HSPA12B: variants seen among roughly 807,000 people sequenced by gnomAD.
The protein encoded by HSPA12B is heat shock 70 kDa protein 12B.
A neutral mutation model predicts 69.3 loss-of-function variants in HSPA12B; 54 were observed. The observed-to-expected ratio is 0.78, with a 90% CI of 0.63 to 0.98. HSPA12B has a LOEUF of 0.98. Ranked by LOEUF, HSPA12B falls within the 50% of genes least tolerant of loss-of-function variation. HSPA12B has a pLI of 0.00. For missense variants in HSPA12B, 929 were observed against 999.8 expected, an observed-to-expected ratio of 0.93 and a Z score of 0.96; for synonymous variants, 441 against 436.5, an observed-to-expected ratio of 1.01 and a Z score of -0.13.
chr20:3,741,910 G>A (rs2146566199), intron 3 of HSPA12B, among the ~76,000 whole-genome samples: 1 of 151,416 alleles, frequency 6.6e-6, no homozygotes, highest in Non-Finnish European at 1.5e-5. Context: ...TCCATGTGCT[G>A]TAAAACTGCC....
chr20:3,745,030 A>G lies in HSPA12B; in HGVS notation c.395A>G (p.Glu132Gly), dbSNP rs1232188023. Reference sequence around the variant, plus strand: ...GATTACTACCATGACCTGGACCCCGAAGAGGCGCGGGACTGGCTCTACTTC... The same window carrying G: ...GATTACTACCATGACCTGGACCCCGGAGAGGCGCGGGACTGGCTCTACTTC... Reference protein sequence around the residue: ...ARDYYHDLDPEEARDWLYFEK... With the variant: ...ARDYYHDLDPGEARDWLYFEK... The change falls in exon 5 of 13, where the codon GAA (glutamate) becomes GGA (glycine). Residue 132 changes from glutamate to glycine, a missense_variant. Around this residue, in one of 3 missense-constraint regions of HSPA12B, gnomAD observed 477 missense variants for 535.2 expected, o/e 0.89. Coordinates refer to ENST00000254963, the MANE Select transcript of HSPA12B (RefSeq NM_052970.5). This position sits in a 1 kb window ranked among gnomAD's most constrained non-coding sequence, Gnocchi z 5.6. 1.9e-6 allele frequency: 3 copies of G among 1,614,028 alleles called. No individual in the cohort carries two copies. The South Asian group carries it at 3.3e-5, about 18-fold the overall frequency.
rs995427677 is a variant in HSPA12B, at chr20:3,749,859, G to A, written c.1042+5G>A. 1.9e-6 allele frequency: 3 copies of A among 1,596,608 alleles called. No homozygotes were observed. In the African/African-American group the frequency reaches 4.0e-5, roughly 21 times the overall value. On this transcript the variant is annotated splice_donor_5th_base_variant and intron_variant, in intron 10 of 12. Transcript: ENST00000254963. The surrounding 1 kb of genome is among the most constrained non-coding windows in gnomAD (Gnocchi z 5.5). ...AGGAGCTCTACAAGGCATCTGGTGA[G>A]TAGCCAGGCGGCGCCCCGGTACCCA...
In HSPA12B at chr20:3,744,582, C is replaced by T. The variant is rs1304992685; in HGVS notation, c.267-320C>T. 1.3e-5 allele frequency among the ~76,000 whole-genome samples: 2 copies of T among 152,224 alleles called. No homozygotes were observed. The highest frequency in any genetic ancestry group is 4.8e-5 in the African/African-American group (2 of 41,444). On this transcript the variant is annotated intron_variant, in intron 4 of 12. Coordinates refer to ENST00000254963, the MANE Select transcript of HSPA12B (RefSeq NM_052970.5). This position sits in a 1 kb window ranked among gnomAD's most constrained non-coding sequence, Gnocchi z 4.9. The stretch of plus-strand genomic sequence containing the variant: ...CTCACCTGGATGGCTGCAATATCCT[C>T]CTCCTTGGTTTCCTTTCTCCATGCT...
rs1417316875 is a variant in HSPA12B at position 3,745,040 on chromosome 20, G to C, written c.405G>C (p.Arg135=). Residue 135 remains arginine (R), a synonymous_variant, in exon 5 of 13, where the codon CGG becomes CGC. Transcript: ENST00000254963. The surrounding 1 kb of genome is among the most constrained non-coding windows in gnomAD (Gnocchi z 5.6). ...YYHDLDPEEA[R]DWLYFEKFKM... ...ATGACCTGGACCCCGAAGAGGCGCG[G>C]GACTGGCTCTACTTCGAGAAGTTCA... The C allele has an allele frequency of 6.2e-7, 1 of 1,613,870 alleles. No homozygotes were observed. The highest frequency in any genetic ancestry group is 8.5e-7 in the Non-Finnish European group (1 of 1,180,042).
Position 3,750,081 on chromosome 20 carries a change from A to G in HSPA12B, c.1155A>G (p.Val385=). 1 of 1,612,294 alleles carries G rather than the reference A, an allele frequency of 6.2e-7. No homozygotes were observed. The highest frequency in any genetic ancestry group is 8.5e-7 in the Non-Finnish European group (1 of 1,179,674). Residue 385 remains valine, a synonymous_variant, in exon 11 of 13, where the codon GTA becomes GTG. Transcript: ENST00000254963. ...TFKRQRPAAW[V]DLTIAFEARK... is the part of the protein sequence containing the mutation. ...AAAGGCAACGGCCGGCAGCCTGGGT[A>G]GATCTGACCATCGCCTTCGAGGCTC...
At chr20:3,742,737 G>A (rs1327480133) in intron 4 of HSPA12B, among the ~76,000 whole-genome samples, 9 of 147,676 alleles carry the variant, frequency 6.1e-5, no homozygotes, top group African/African-American at 1.0e-4. Context: ...TCACTCTGTC[G>A]CCTAGGCTGG....
chr20:3,732,952 G>C (rs2088053616), intron 1 of HSPA12B, among the ~76,000 whole-genome samples, 158 bp downstream of exon 1: 1 of 152,230 alleles, frequency 6.6e-6, no homozygotes, highest in Non-Finnish European at 1.5e-5. Flanking sequence ...CTGCGGGCTC[G>C]GGAAGGCACT....
chr20:3,744,281 G>A lies in HSPA12B; in HGVS notation c.267-621G>A, dbSNP rs184677389. Among the ~76,000 whole-genome samples, 64 of 152,278 alleles carry A rather than the reference G, an allele frequency of 4.2e-4. 1 individual carries two copies. In the East Asian group the frequency reaches 0.011, roughly 27 times the overall value. ...CTTCCACATCACAGGAAACCACAAA[G>A]GCTCTGAGCACTTACAGCCCTCTAG... On this transcript the variant is annotated intron_variant, in intron 4 of 12. Transcript: ENST00000254963. The surrounding 1 kb of genome is among the most constrained non-coding windows in gnomAD (Gnocchi z 4.9).
intron 4 of HSPA12B, among the ~76,000 whole-genome samples, chr20:3,743,074 C>T (rs1350215608): frequency 2.7e-5 from 4 of 147,690 alleles, no homozygotes; most frequent in South Asian, 2.1e-4. Flanking sequence ...TTAGTAGAGA[C>T]GGGGTTTCAC....
At chr20:3,738,540 G>A in intron 1 of HSPA12B, 118 bp from the exon 2 acceptor site, 3 of 850,044 alleles carry the variant, frequency 3.5e-6, no homozygotes, top group Non-Finnish European at 3.9e-6. Flanking sequence ...CAACATGATG[G>A]CTGGGATTTG....
At position 3,749,145 on chromosome 20, in the gene HSPA12B, G is replaced by A; in HGVS notation, c.851-87G>A. On this transcript the variant is annotated intron_variant, in intron 8 of 12. Transcript: ENST00000254963. The surrounding 1 kb of genome is among the most constrained non-coding windows in gnomAD (Gnocchi z 5.5). Reference sequence around the variant, plus strand: ...GCACTGGCTGCTCCCAGTGCCCATGGAGGTCCTGGGCAGGAGGATGGGAGT... The same window carrying A: ...GCACTGGCTGCTCCCAGTGCCCATGAAGGTCCTGGGCAGGAGGATGGGAGT... The A allele has an allele frequency of 8.7e-7, 1 of 1,152,626 alleles. No individual in the cohort carries two copies. Among genetic ancestry groups the A allele is most frequent in the East Asian group, 2.6e-5 (1 of 39,188 alleles). The allele number at this position is 1,152,626 out of a possible 1,614,324, so 71.4% of individuals were successfully genotyped here.
rs34414870 is a variant in HSPA12B at position 3,740,838 on chromosome 20, G to C, written c.67G>C (p.Val23Leu). The change falls in exon 3 of 13, where the codon GTG (valine) becomes CTG (leucine). Residue 23 changes from valine to leucine, a missense_variant. Physicochemically the swap from Val to Leu is conservative, Grantham distance 32. Transcript: ENST00000254963. The surrounding 1 kb of genome is among the most constrained non-coding windows in gnomAD (Gnocchi z 4.9). ...AGGCTCCAGCCCGGAGCGGTCCCCA[G>C]TGCCTAGCCCACCCGGCTCCCCGAG... The part of the protein sequence containing the change: ...YIGSSPERSP[V>L]PSPPGSPRTQ... The C allele has an allele frequency of 2.0e-3, 3,279 of 1,613,828 alleles. 63 individuals are homozygous for C. The African/African-American group carries it at 0.04, about 20-fold the overall frequency.
At chr20:3,739,341 G>A (rs982004132) in intron 2 of HSPA12B, among the ~76,000 whole-genome samples, 17 of 152,366 alleles carry the variant, frequency 1.1e-4, no homozygotes, top group African/African-American at 3.8e-4. Flanking sequence ...ATCTGTGTAC[G>A]GGAGTATAGT....
intron 3 of HSPA12B, among the ~76,000 whole-genome samples, chr20:3,741,756 T>G (rs75778038): frequency 0.047 from 7,174 of 152,182 alleles, 220 homozygotes; most frequent in African/African-American, 0.078. Flanking sequence ...CCCTTATTCT[T>G]AGGGGAGTCC....
Position 3,737,565 on chromosome 20 carries a change from C to A in HSPA12B, c.-17-1093C>A, listed in dbSNP as rs917519425. 3.3e-5 allele frequency among the ~76,000 whole-genome samples: 5 copies of A among 152,196 alleles called. No homozygotes were observed. Among genetic ancestry groups the A allele is most frequent in the Admixed American group, 6.5e-5 (1 of 15,274 alleles). ...TCCAGTCTCATCTGGGGACCTTTTA[C>A]AGGGATCTAGCTTTACCCATCTCTT... On this transcript the variant is annotated intron_variant, in intron 1 of 12. Transcript: ENST00000254963. This position sits in a 1 kb window ranked among gnomAD's most constrained non-coding sequence, Gnocchi z 4.1.
rs1006705142 is a variant in HSPA12B at position 3,751,548 on chromosome 20, G to C, written c.1443G>C (p.Lys481Asn). 1 of 1,486,894 alleles carries C rather than the reference G, an allele frequency of 6.7e-7. No individual in the cohort carries two copies. Among genetic ancestry groups the C allele is most frequent in the Admixed American group, 2.4e-5 (1 of 41,344 alleles). The allele number at this position is 1,486,894 out of a possible 1,614,324, so 92.1% of individuals were successfully genotyped here. ...CACGGCCGGAGGTGCAGGGTGTGAA[G>C]CTGCTGTTCCTAGTGGGCGGCTTCG... ...LLARPEVQGVKLLFLVGGFAE... is the reference protein window; with the variant it reads ...LLARPEVQGVNLLFLVGGFAE... The change falls in exon 13 of 13, where the codon AAG becomes AAC. Residue 481 changes from lysine to asparagine, a missense_variant. By Grantham distance (94) the Lys-to-Asn change is moderately conservative. This residue lies in a region of HSPA12B where 448 missense variants were observed against 448.1 expected (regional missense o/e 1.00). Coordinates refer to ENST00000254963, the MANE Select transcript of HSPA12B (RefSeq NM_052970.5).
intron 1 of HSPA12B, among the ~76,000 whole-genome samples, chr20:3,733,714 G>A (rs550292525): frequency 6.6e-6 from 1 of 152,302 alleles, no homozygotes; most frequent in Non-Finnish European, 1.5e-5. Context: ...TGTGCTTTGG[G>A]CCCTGGTTGG....
intron 1 of HSPA12B, among the ~76,000 whole-genome samples, chr20:3,734,038 C>T (rs113895929): frequency 6.6e-6 from 1 of 152,202 alleles, no homozygotes; most frequent in Non-Finnish European, 1.5e-5. Context: ...CAAGGTGGCT[C>T]ACGCCTGTAA....
At chr20:3,736,794 G>A (rs956054468) in intron 1 of HSPA12B, among the ~76,000 whole-genome samples, 1 of 152,108 alleles carries the variant, frequency 6.6e-6, no homozygotes, top group Admixed American at 6.6e-5. Context: ...AGGCTGAGAC[G>A]GGCGGATCAC....
Sources: gnomAD v4.1 joint callset for allele counts (sites outside exome capture counted in the v4.1 genomes callset) on GRCh38, gnomAD v4.1.1 for gene constraint, gnomAD v4.1.1 regional missense constraint, Gnocchi (gnomAD v3.1) non-coding constraint, MANE v1.5 for transcripts, NCBI Gene and HGNC (gene_info 2026-07-23, HGNC 2026-07-21) for gene names.